Variants in FGL1 observed in about 807,000 individuals in gnomAD.
The protein encoded by FGL1 is fibrinogen-like protein 1.
In FGL1, 59 loss-of-function variants were observed where a neutral mutation model predicts 43.7. The ratio of observed to expected loss-of-function variants is 1.35; its 90% confidence interval spans 1.10 to 1.68. The LOEUF (loss-of-function observed/expected upper bound fraction) is 1.68. Among genes scored for constraint, FGL1 ranks in the 40% most tolerant of loss-of-function variants. The probability of loss-of-function intolerance (pLI) is 0.00; values close to 1 mark genes in which losing one functional copy is unlikely to be tolerated. For synonymous variants in FGL1, 192 were observed against 126.5 expected (o/e 1.52, Z -3.48); for missense variants, 596 against 373.0 (o/e 1.60, Z -4.92).
chr8:17,890,306 C>T (rs963395136), intron 1 of FGL1, among the ~76,000 whole-genome samples: 1 of 152,154 alleles, frequency 6.6e-6, no homozygotes, highest in African/African-American at 2.4e-5. Context: ...CCTGGGCAAA[C>T]CGGGATATTT....
At position 17,894,013 on chromosome 8, in the gene FGL1, T is replaced by C. The variant is rs12114289; in HGVS notation, c.-18+1434A>G. On this transcript the variant is annotated intron_variant, in intron 1 of 7. Coordinates refer to ENST00000427924, the MANE Select transcript of FGL1 (RefSeq NM_004467.4). ...TGGTGGACTATATTATTTTACATAA[T>C]TTTAATGCTATAAATTCTAATTCCT... Among the ~76,000 whole-genome samples the C allele has an allele frequency of 3.4e-3, 504 of 147,250 alleles. 89 individuals carry two copies. The highest frequency in any genetic ancestry group is 0.013 in the African/African-American group (483 of 37,646).
chr8:17,885,644 T>A (rs2053617502), intron 1 of FGL1, 73 bp from the exon 2 acceptor site: 12 of 1,292,756 alleles, frequency 9.3e-6, no homozygotes, highest in Non-Finnish European at 1.3e-5. Context: ...CAGACTTCAG[T>A]AGCTCCAGGA....
intron 7 of FGL1, 31 bp downstream of exon 7, chr8:17,868,517 C>A: frequency 6.4e-7 from 1 of 1,560,416 alleles, no homozygotes; most frequent in Non-Finnish European, 8.7e-7. Flanking sequence ...ATCATCAACT[C>A]CATTACAACT....
In FGL1 at chr8:17,882,072, C is replaced by G. The variant is rs1389724951; in HGVS notation, c.171G>C (p.Glu57Asp). The G allele has an allele frequency of 3.7e-6, 6 of 1,613,956 alleles. No homozygotes were observed. In the African/African-American group the frequency reaches 8.0e-5, roughly 22 times the overall value. ...QQVKIKQLLQ[E>D]NEVQFLDKGD... ...CTTTATCAAGGAACTGGACTTCATT[C>G]TCCTGCAAAAGCTGCTTGATCTTGA... Residue 57 changes from glutamate to aspartate, a missense_variant, in exon 3 of 8, where the codon GAG becomes GAC. Transcript: ENST00000427924.
chr8:17,876,159 T>C (rs1440157132), intron 3 of FGL1, among the ~76,000 whole-genome samples: 1 of 152,228 alleles, frequency 6.6e-6, no homozygotes, highest in Admixed American at 6.5e-5. Context: ...CCCTTATCGC[T>C]TTGTTAATTT....
intron 1 of FGL1, among the ~76,000 whole-genome samples, chr8:17,886,680 C>G (rs1489570010): frequency 6.6e-6 from 1 of 152,110 alleles, no homozygotes; most frequent in East Asian, 1.9e-4. Context: ...ATTGCTTGAA[C>G]CCGGGAGATG....
intron 7 of FGL1, among the ~76,000 whole-genome samples, chr8:17,865,094 G>A (rs962928479): frequency 2.6e-5 from 4 of 151,924 alleles, no homozygotes; most frequent in Non-Finnish European, 5.9e-5. Context: ...CCTCAGAGAT[G>A]GGTATTTTAA....
chr8:17,888,330 A>G (rs2053658347), intron 1 of FGL1, among the ~76,000 whole-genome samples: 1 of 152,138 alleles, frequency 6.6e-6, no homozygotes. Flanking sequence ...TAATTAATAT[A>G]ATAAGCTTGG....
chr8:17,885,730 C>T (rs1323058756), intron 1 of FGL1, 159 bp from the exon 2 acceptor site: 2 of 604,338 alleles, frequency 3.3e-6, no homozygotes, highest in Non-Finnish European at 5.8e-6. Flanking sequence ...CAGCCTCTCA[C>T]CACACAGAAT....
At chr8:17,871,540 G>C (rs1268364497) in intron 5 of FGL1, among the ~76,000 whole-genome samples, 2 of 147,556 alleles carry the variant, frequency 1.4e-5, no homozygotes, top group African/African-American at 2.5e-5. Flanking sequence ...GAGACATAAA[G>C]ACTCAATTTT....
At chr8:17,878,076 C>G (rs758089022) in intron 3 of FGL1, among the ~76,000 whole-genome samples, 7 of 152,114 alleles carry the variant, frequency 4.6e-5, no homozygotes, top group African/African-American at 1.7e-4. Context: ...CCTGCCTCAG[C>G]CTCCTGAGTA....
chr8:17,886,873 G>T (rs1009208575), intron 1 of FGL1, among the ~76,000 whole-genome samples: 1 of 152,048 alleles, frequency 6.6e-6, no homozygotes, highest in East Asian at 1.9e-4. Flanking sequence ...AGCGAGAGAA[G>T]TCACAGTGTA....
chr8:17,895,414 A>T, intron 1 of FGL1, 33 bp downstream of exon 1: 1 of 1,275,992 alleles, frequency 7.8e-7, no homozygotes, highest in Non-Finnish European at 1.0e-6. Context: ...TATTACAAGC[A>T]TGTCAAAAAT....
rs201345330 is a variant in FGL1, at chr8:17,885,486, G to C, written c.63+6C>G. On this transcript the variant is annotated splice_donor_region_variant and intron_variant, in intron 2 of 7. Transcript: ENST00000427924. ...AATATGACAATAGTTTTCCCAAGAA[G>C]CTTACCGAAATTTCCCTGCCCATTG... 1 of 1,607,248 alleles carries C rather than the reference G, an allele frequency of 6.2e-7. No individual in the cohort carries two copies.
rs1234321233 is a variant in FGL1, at chr8:17,895,316, T to G, written c.-18+131A>C. On this transcript the variant is annotated intron_variant, in intron 1 of 7. Coordinates refer to ENST00000427924, the MANE Select transcript of FGL1 (RefSeq NM_004467.4). ...TCTTCTCCAAGTAGCAGAAGCAGACTCCTTGCTAGTCAACCTGACTTCTTG... is the reference window on the plus strand; with the variant it reads ...TCTTCTCCAAGTAGCAGAAGCAGACGCCTTGCTAGTCAACCTGACTTCTTG... The G allele has an allele frequency of 3.6e-6, 4 of 1,126,676 alleles. No homozygotes were observed. In the Admixed American group the frequency reaches 1.5e-4, roughly 41 times the overall value. 69.8% of individuals were successfully genotyped at this position (1,126,676 alleles called of 1,614,324 possible). A position where few individuals can be genotyped will look rare whatever the true frequency, so the allele number is the denominator to read the frequency against.
intron 1 of FGL1, among the ~76,000 whole-genome samples, chr8:17,893,716 C>T (rs1312270554): frequency 6.8e-6 from 1 of 146,670 alleles, no homozygotes; most frequent in East Asian, 1.9e-4. Context: ...TAAAATTTTC[C>T]ATTTTCCTCC....
chr8:17,875,547 T>TCTCTCTCTCTCTCTCTC (rs1563452433), intron 3 of FGL1, among the ~76,000 whole-genome samples: 1 of 16,244 alleles, frequency 6.2e-5, no homozygotes, highest in African/African-American at 1.6e-4. Flanking sequence ...CTTTCTTTCT[T>TCTCTCTCTCTCTCTCTC]TCTTTCTTTC....
At chr8:17,877,530 G>T (rs1337644973) in intron 3 of FGL1, among the ~76,000 whole-genome samples, 1 of 151,918 alleles carries the variant, frequency 6.6e-6, no homozygotes, top group Admixed American at 6.6e-5. Flanking sequence ...AAGCAACAGA[G>T]GTCAGCTGCC....
At chr8:17,891,551 C>T (rs1021608417) in intron 1 of FGL1, 2 of 325,358 alleles carry the variant, frequency 6.1e-6, no homozygotes, top group Non-Finnish European at 8.8e-6. Context: ...TACAAAGACC[C>T]TATTTGCAAA....
Sources: gnomAD v4.1 joint callset for allele counts (sites outside exome capture counted in the v4.1 genomes callset) on GRCh38, gnomAD v4.1.1 for gene constraint, MANE v1.5 for transcripts, NCBI Gene and HGNC (gene_info 2026-07-23, HGNC 2026-07-21) for gene names.